The following POLR1E variants were observed in gnomAD, a reference collection of about 807,000 sequenced individuals.
The protein encoded by POLR1E is RNA polymerase I subunit E.
Under a neutral mutation model 50.9 loss-of-function variants are expected in POLR1E, and 37 were observed. The ratio of observed to expected loss-of-function variants is 0.73; its 90% CI spans 0.56 to 0.96. POLR1E has a LOEUF of 0.96. Ranked by LOEUF, POLR1E falls within the 40% of genes least tolerant of loss-of-function variation. The pLI, the probability that POLR1E is intolerant of heterozygous loss-of-function variation, is 0.00. For missense variants in POLR1E, 426 were observed against 518.1 expected, an observed-to-expected ratio of 0.82 and a Z score of 1.73; for synonymous variants, 166 against 191.6, an observed-to-expected ratio of 0.87 and a Z score of 1.10.
chr9:37,488,088 GCCCT>G, intron 3 of POLR1E, 149 bp downstream of exon 3: 1 of 692,064 alleles, frequency 1.4e-6, no homozygotes, highest in South Asian at 1.9e-5. Flanking sequence ...TAGACCCAGA[GCCCT>G]TCCCTGCACG....
intron 11 of POLR1E, 77 bp downstream of exon 11, chr9:37,501,921 C>T: frequency 2.1e-6 from 3 of 1,462,282 alleles, no homozygotes; most frequent in Non-Finnish European, 2.8e-6. Flanking sequence ...AAGCATGAGG[C>T]ACCACCAAGG....
intron 5 of POLR1E, among the ~76,000 whole-genome samples, chr9:37,493,222 C>T (rs983551947): frequency 6.6e-6 from 1 of 152,190 alleles, no homozygotes; most frequent in African/African-American, 2.4e-5. Flanking sequence ...TTAGCCCTGT[C>T]TGTTACGGGT....
rs1820917963 is a variant in POLR1E, at chr9:37,503,075, A to G, written c.1133A>G (p.Lys378Arg). The G allele has an allele frequency of 1.9e-6, 3 of 1,613,804 alleles. No homozygotes were observed. In the African/African-American group the frequency reaches 4.0e-5, roughly 22 times the overall value. Residue 378 changes from lysine (K) to arginine (R), a missense_variant, in exon 12 of 12, where the codon AAG becomes AGG. Transcript: ENST00000377798. ...GAGATAGCCAAAGCCATGAGGCTGAAGATCTCCAAAAGAAGGGTGTCTGTG... is the reference window on the plus strand; with the variant it reads ...GAGATAGCCAAAGCCATGAGGCTGAGGATCTCCAAAAGAAGGGTGTCTGTG... ...MMEIAKAMRL[K>R]ISKRRVSVAA...
At chr9:37,496,069 CGTCA>C in intron 8 of POLR1E, 83 bp downstream of exon 8, 1 of 974,460 alleles carries the variant, frequency 1.0e-6, no homozygotes, top group Non-Finnish European at 1.6e-6. Flanking sequence ...GTCCTCTGGG[CGTCA>C]GTCAGTGAGG....
At chr9:37,496,320 A>G (rs1332182487) in intron 8 of POLR1E, among the ~76,000 whole-genome samples, 1 of 152,116 alleles carries the variant, frequency 6.6e-6, no homozygotes. Context: ...TGGCCTGGGA[A>G]TGGGTGCTGG....
In POLR1E at chr9:37,485,978, C is replaced by T. The variant is rs1019479805; in HGVS notation, c.-70C>T. 15 of 1,550,078 alleles carry T rather than the reference C, an allele frequency of 9.7e-6. No homozygotes were observed. The highest frequency in any genetic ancestry group is 5.9e-5 in the South Asian group (5 of 84,422). ...CCGGCCCGCAGCGCGGCCTGGGCTC[C>T]CGCGTGTTTAAAAGTGCGCTTGTGG... is the stretch of plus-strand genomic sequence containing the variant. On this transcript the variant is annotated 5_prime_UTR_variant, in exon 1 of 12. Coordinates refer to ENST00000377798, the MANE Select transcript of POLR1E (RefSeq NM_022490.4).
At chr9:37,494,443 T>G (rs753619320) in intron 6 of POLR1E, among the ~76,000 whole-genome samples, 34 of 152,174 alleles carry the variant, frequency 2.2e-4, no homozygotes, top group Non-Finnish European at 3.7e-4. Context: ...CAAATTTATT[T>G]ATTGATTGAT....
At chr9:37,492,591 C>A in intron 4 of POLR1E, 66 bp from the exon 5 acceptor site, 2 of 1,380,856 alleles carry the variant, frequency 1.4e-6, no homozygotes, top group Non-Finnish European at 2.0e-6. Context: ...GAATATTAAA[C>A]ACTATTACTA....
At chr9:37,486,362 AC>A (rs1201471899) in intron 1 of POLR1E, 17 of 1,452,780 alleles carry the variant, frequency 1.2e-5, no homozygotes, top group East Asian at 2.5e-5. Context: ...GACCCTGCTG[AC>A]CCCCTCACCC....
chr9:37,497,503 C>T (rs1193136505), intron 8 of POLR1E, among the ~76,000 whole-genome samples: 2 of 152,234 alleles, frequency 1.3e-5, no homozygotes, highest in South Asian at 2.1e-4. Context: ...AGCCCACATG[C>T]CAAGTCTGGC....
chr9:37,501,874 C>A, intron 11 of POLR1E, 30 bp downstream of exon 11: 1 of 1,597,642 alleles, frequency 6.3e-7, no homozygotes, highest in Non-Finnish European at 8.5e-7. Context: ...GAGCTCCCTG[C>A]AGGGTGTCTC....
At chr9:37,490,342 G>T in intron 4 of POLR1E, 1 of 513,480 alleles carries the variant, frequency 1.9e-6, no homozygotes. Context: ...TATTTCTTTG[G>T]GGGAGAGAAC....
chr9:37,488,648 G>C (rs1820621137), intron 3 of POLR1E, among the ~76,000 whole-genome samples: 1 of 152,078 alleles, frequency 6.6e-6, no homozygotes, highest in Non-Finnish European at 1.5e-5. Flanking sequence ...ACTTGATTTT[G>C]CCTCCATAAA....
At chr9:37,493,365 T>C (rs10814565) in intron 5 of POLR1E, among the ~76,000 whole-genome samples, 194 bp from the exon 6 acceptor site, 32,772 of 152,098 alleles carry the variant, frequency 0.22, 3,698 homozygotes, top group East Asian at 0.26. Flanking sequence ...ATGGAGATGC[T>C]GTTGATTGAT....
chr9:37,492,499 AT>A, intron 4 of POLR1E, 157 bp from the exon 5 acceptor site: 1 of 834,746 alleles, frequency 1.2e-6, no homozygotes, highest in East Asian at 2.8e-5. Flanking sequence ...AAAGCTGCAT[AT>A]TAAATATTCA....
intron 8 of POLR1E, among the ~76,000 whole-genome samples, chr9:37,497,163 G>A (rs1052599053): frequency 3.9e-5 from 6 of 152,100 alleles, no homozygotes; most frequent in African/African-American, 1.2e-4. Flanking sequence ...CAAGACCAGC[G>A]TGACCAACAT....
chr9:37,499,040 C>T (rs1033351725), intron 9 of POLR1E, among the ~76,000 whole-genome samples: 2 of 152,148 alleles, frequency 1.3e-5, no homozygotes, highest in African/African-American at 2.4e-5. Context: ...CAGCATGTTA[C>T]TATACTGAAT....
At chr9:37,501,067 C>T (rs938036664) in intron 10 of POLR1E, 146 bp downstream of exon 10, 2 of 712,390 alleles carry the variant, frequency 2.8e-6, no homozygotes, top group African/African-American at 1.8e-5. Context: ...TCCTGGGGCC[C>T]CAGTAAGTTT....
intron 10 of POLR1E, 115 bp from the exon 11 acceptor site, chr9:37,501,598 A>C (rs1820888848): frequency 7.7e-7 from 1 of 1,300,584 alleles, no homozygotes; most frequent in East Asian, 2.4e-5. Context: ...CCTTTCCTGA[A>C]GTTGGGAAGA....
Sources: gnomAD v4.1 joint callset for allele counts (sites outside exome capture counted in the v4.1 genomes callset) on GRCh38, gnomAD v4.1.1 for gene constraint, MANE v1.5 for transcripts, NCBI Gene and HGNC (gene_info 2026-07-23, HGNC 2026-07-21) for gene names.